SPINK8: variants seen among roughly 807,000 people sequenced by gnomAD.
The protein encoded by SPINK8 is serine protease inhibitor Kazal-type 8.
SPINK8 carries 12 observed loss-of-function variants against 14.4 expected under a neutral mutation model. That is an observed-to-expected ratio of 0.83 (90% CI 0.53 to 1.35). The LOEUF (loss-of-function observed/expected upper bound fraction) is 1.35, where lower values mean the gene tolerates loss of function less well. Ranked by LOEUF, SPINK8 falls within the 40% of genes most tolerant of loss-of-function variation. SPINK8 has a pLI of 0.00. For synonymous variants in SPINK8, 32 were observed against 37.6 expected (o/e 0.85, Z 0.55); for missense variants, 103 against 117.0 (o/e 0.88, Z 0.55).
chr3:48,318,702 T>G (rs1389318907), intron 6 of SPINK8, among the ~76,000 whole-genome samples: 1 of 152,234 alleles, frequency 6.6e-6, no homozygotes, highest in African/African-American at 2.4e-5. Flanking sequence ...CAGCCAAATA[T>G]CTCTCATCCT....
In SPINK8 at chr3:48,333,616, T is replaced by C. The variant is rs184948383; in HGVS notation, c.-323A>G. Among the ~76,000 whole-genome samples the C allele has an allele frequency of 6.6e-6, 1 of 152,322 alleles. No homozygotes were observed. Among genetic ancestry groups the C allele is most frequent in the East Asian group, 1.9e-4 (1 of 5,190 alleles). On this transcript the variant is annotated 5_prime_UTR_variant, in exon 1 of 8. Coordinates refer to ENST00000434006, the MANE Select transcript of SPINK8 (RefSeq NM_001080525.3). ...CTGGGCTGCTGGATTCTAGTGGTCC[T>C]TTACCAGCGTGCCTGACATTGCCTT... is the stretch of plus-strand genomic sequence containing the variant.
At chr3:48,315,720 CAA>C (rs66504818) in intron 6 of SPINK8, among the ~76,000 whole-genome samples, 10 of 21,942 alleles carry the variant, frequency 4.6e-4, no homozygotes, top group Non-Finnish European at 8.8e-4. Flanking sequence ...GACTCCATCT[CAA>C]AAAAAAAAAA....
chr3:48,309,773 C>A, intron 7 of SPINK8, 131 bp downstream of exon 7: 1 of 1,255,712 alleles, frequency 8.0e-7, no homozygotes, highest in Non-Finnish European at 1.0e-6. Flanking sequence ...CTTATGGGAT[C>A]TATTATTGGC....
intron 4 of SPINK8, 72 bp from the exon 5 acceptor site, chr3:48,321,146 G>T: frequency 6.8e-7 from 1 of 1,472,902 alleles, no homozygotes; most frequent in South Asian, 1.3e-5. Context: ...GTAAGATGAG[G>T]GGAACCCTAG....
chr3:48,322,421 G>A lies in SPINK8; in HGVS notation c.68-1347C>T, dbSNP rs551921874. On this transcript the variant is annotated intron_variant, in intron 4 of 7. Coordinates refer to ENST00000434006, the MANE Select transcript of SPINK8 (RefSeq NM_001080525.3). ...CGCGATCTCAGCTCACTGCAACCTC[G>A]GCCTCCTGGGTTCAAGTGATTCTCC... is the stretch of plus-strand genomic sequence containing the variant. Among the ~76,000 whole-genome samples, 11 of 151,394 alleles carry A rather than the reference G, an allele frequency of 7.3e-5. No homozygotes were observed. In the East Asian group the frequency reaches 1.9e-3, roughly 27 times the overall value.
In SPINK8 at chr3:48,328,364, T is replaced by C. The variant is rs1280500470; in HGVS notation, c.-13-10A>G. ...CATGGTGACAGAAGAACTGTGGAAA[T>C]ATGCAACTTTTGATGTAGGACAAAC... On this transcript the variant is annotated splice_polypyrimidine_tract_variant and intron_variant, in intron 3 of 7. Transcript: ENST00000434006. 6.2e-7 allele frequency: 1 copy of C among 1,601,308 alleles called. No homozygotes were observed. Among genetic ancestry groups the C allele is most frequent in the East Asian group, 2.2e-5 (1 of 44,654 alleles).
intron 2 of SPINK8, among the ~76,000 whole-genome samples, chr3:48,330,414 G>T (rs1055476273): frequency 1.3e-5 from 2 of 152,154 alleles, no homozygotes; most frequent in African/African-American, 4.8e-5. Flanking sequence ...AGCTACTCAT[G>T]AGGCTGAGGC....
chr3:48,308,012 C>T (rs1221146833), intron 7 of SPINK8, among the ~76,000 whole-genome samples: 8 of 128,416 alleles, frequency 6.2e-5, no homozygotes, highest in African/African-American at 9.3e-5. Context: ...CTCACTCTGG[C>T]GCCCAGGCTG....
At chr3:48,322,623 A>G (rs1278972683) in intron 4 of SPINK8, among the ~76,000 whole-genome samples, 1 of 152,198 alleles carries the variant, frequency 6.6e-6, no homozygotes, top group Non-Finnish European at 1.5e-5. Flanking sequence ...GGCATGAGCC[A>G]TCAAGCCCAG....
At chr3:48,320,829 T>C (rs1174899578) in intron 5 of SPINK8, among the ~76,000 whole-genome samples, 196 bp downstream of exon 5, 2 of 152,190 alleles carry the variant, frequency 1.3e-5, no homozygotes, top group African/African-American at 4.8e-5. Flanking sequence ...GTAAACTGAT[T>C]GGGAGAACCC....
intron 6 of SPINK8, among the ~76,000 whole-genome samples, chr3:48,311,540 G>A (rs2035924864): frequency 6.6e-6 from 1 of 152,166 alleles, no homozygotes; most frequent in African/African-American, 2.4e-5. Flanking sequence ...TCAGCAAGTT[G>A]CAGAGTACAA....
intron 4 of SPINK8, among the ~76,000 whole-genome samples, chr3:48,324,418 C>A (rs1300924261): frequency 6.6e-6 from 1 of 152,108 alleles, no homozygotes; most frequent in Non-Finnish European, 1.5e-5. Flanking sequence ...ATGTCATCTA[C>A]AAACAGAGAT....
intron 6 of SPINK8, among the ~76,000 whole-genome samples, chr3:48,316,719 G>A (rs1286798143): frequency 1.3e-5 from 2 of 152,288 alleles, no homozygotes; most frequent in Admixed American, 6.5e-5. Context: ...GCTGCAGTGA[G>A]CCACAATCAT....
intron 1 of SPINK8, among the ~76,000 whole-genome samples, 148 bp downstream of exon 1, chr3:48,333,387 G>T (rs2036290792): frequency 6.6e-6 from 1 of 152,036 alleles, no homozygotes; most frequent in Non-Finnish European, 1.5e-5. Context: ...AGGGGGGAAC[G>T]TTTAAAAAGA....
chr3:48,312,826 G>A (rs537891668), intron 6 of SPINK8, among the ~76,000 whole-genome samples: 10 of 151,824 alleles, frequency 6.6e-5, no homozygotes, highest in Non-Finnish European at 1.3e-4. Context: ...GTGAAACCCC[G>A]TCTCCACTAA....
intron 4 of SPINK8, among the ~76,000 whole-genome samples, chr3:48,324,069 G>A (rs1047951976): frequency 6.6e-6 from 1 of 151,788 alleles, no homozygotes; most frequent in Non-Finnish European, 1.5e-5. Flanking sequence ...TCTGTAGATT[G>A]ATTTCTAGAA....
chr3:48,325,656 G>A (rs1305490829), intron 4 of SPINK8, among the ~76,000 whole-genome samples: 5 of 149,274 alleles, frequency 3.3e-5, no homozygotes, highest in African/African-American at 4.9e-5. Context: ...GCAATGGTGC[G>A]AACTCAGCTC....
At chr3:48,328,860 T>C (rs776908635) in intron 3 of SPINK8, among the ~76,000 whole-genome samples, 3 of 152,222 alleles carry the variant, frequency 2.0e-5, no homozygotes, top group Non-Finnish European at 4.4e-5. Flanking sequence ...CCTTTACTTG[T>C]AATCTTCCCT....
At chr3:48,327,893 T>G (rs1370204161) in intron 4 of SPINK8, among the ~76,000 whole-genome samples, 4 of 152,220 alleles carry the variant, frequency 2.6e-5, no homozygotes, top group Admixed American at 2.6e-4. Flanking sequence ...ACTATAAGCA[T>G]GACTTTTGCT....
Sources: allele counts gnomAD v4.1 joint callset (sites outside exome capture counted in the v4.1 genomes callset), GRCh38; gene constraint gnomAD v4.1.1; transcripts MANE v1.5; gene names NCBI Gene and HGNC (gene_info 2026-07-23, HGNC 2026-07-21).